Variants in LRP1B observed in about 807,000 individuals in gnomAD.
LRP1B encodes the protein low-density lipoprotein receptor-related protein 1B.
LRP1B carries 217 observed loss-of-function variants against 556.6 expected under a neutral mutation model. The ratio of observed to expected loss-of-function variants is 0.39; its 90% CI spans 0.35 to 0.44. LRP1B has a LOEUF of 0.44. Ranked by LOEUF, LRP1B falls within the 20% of genes least tolerant of loss-of-function variation. The pLI is 1.00. For missense variants in LRP1B, 5,053 were observed against 5,620.8 expected (o/e 0.90, Z 3.23); for synonymous variants, 2,047 against 1,865.8 (o/e 1.10, Z -2.50).
At chr2:140,370,674 C>T (rs2105164501) in intron 71 of LRP1B, 36 bp downstream of exon 71, 4 of 1,608,222 alleles carry the variant, frequency 2.5e-6, no homozygotes, top group Non-Finnish European at 3.4e-6. Context: ...CTTTCATTCT[C>T]TCATTTACAG....
At chr2:141,789,220 T>C (rs1463845099) in intron 2 of LRP1B, among the ~76,000 whole-genome samples, 1 of 151,994 alleles carries the variant, frequency 6.6e-6, no homozygotes, top group Non-Finnish European at 1.5e-5. Context: ...CTAGATGTTT[T>C]ATAGGAGGGG....
At position 140,333,698 on chromosome 2, in the gene LRP1B, G is replaced by A. The variant is rs373072836; in HGVS notation, c.12223+755C>T. Among the ~76,000 whole-genome samples, 135 of 152,096 alleles carry A rather than the reference G, an allele frequency of 8.9e-4. No individual in the cohort carries two copies. In the Middle Eastern group the frequency reaches 0.041, roughly 46 times the overall value. ...ATGTCCTTTCTGTGGAGGTATAGTC[G>A]GTGGAGGGTAGGTGGCACAGAGCCC... is the stretch of plus-strand genomic sequence containing the variant. On this transcript the variant is annotated intron_variant, in intron 79 of 90. Coordinates refer to ENST00000389484, the MANE Select transcript of LRP1B (RefSeq NM_018557.3).
At chr2:141,305,710 A>T (rs1398012259) in intron 3 of LRP1B, among the ~76,000 whole-genome samples, 9 of 152,144 alleles carry the variant, frequency 5.9e-5, no homozygotes, top group Non-Finnish European at 1.2e-4. Context: ...ATTCAGTCTG[A>T]CGTTAGCTCT....
chr2:141,660,922 A>G (rs935728571), intron 2 of LRP1B, among the ~76,000 whole-genome samples: 1 of 152,098 alleles, frequency 6.6e-6, no homozygotes, highest in South Asian at 2.1e-4. Context: ...TCCCATCGGC[A>G]TCAGGTCGGT....
At chr2:141,582,557 G>GT (rs1162092873) in intron 2 of LRP1B, among the ~76,000 whole-genome samples, 1 of 151,936 alleles carries the variant, frequency 6.6e-6, no homozygotes, top group Non-Finnish European at 1.5e-5. Flanking sequence ...CAAGAAAGCA[G>GT]TTAGTTATAT....
chr2:141,228,571 CTGTGTGTATGAG>C lies in LRP1B; in HGVS notation c.850+600_850+611del, dbSNP rs1028928524. 4.8e-5 allele frequency among the ~76,000 whole-genome samples: 5 copies of C among 104,214 alleles called. No individual in the cohort carries two copies. In the Admixed American group the frequency reaches 5.2e-4, roughly 11 times the overall value. The allele number at this position is 104,214 out of a possible 152,430, so 68.4% of individuals were successfully genotyped here. A position where few individuals can be genotyped will look rare whatever the true frequency, so the allele number is the denominator to read the frequency against. ...AGAATATGTGTGCATCCCTGGGTGT[CTGTGTGTATGAG>C]TGTGTGTGTGTGTGTGTGTGTGTGT... On this transcript the variant is annotated intron_variant, in intron 6 of 90. Coordinates refer to ENST00000389484, the MANE Select transcript of LRP1B (RefSeq NM_018557.3).
chr2:141,913,953 A>G (rs766056240), intron 1 of LRP1B, among the ~76,000 whole-genome samples: 1 of 152,042 alleles, frequency 6.6e-6, no homozygotes, highest in Non-Finnish European at 1.5e-5. Context: ...TCACTGTGTT[A>G]GCCAGGATGG....
At chr2:140,292,468 C>A (rs1683426906) in intron 84 of LRP1B, among the ~76,000 whole-genome samples, 1 of 152,064 alleles carries the variant, frequency 6.6e-6, no homozygotes, top group Admixed American at 6.6e-5. Context: ...CTCCCCCTTG[C>A]TACTTCCGCT....
chr2:141,198,692 C>G (rs1396789611), intron 6 of LRP1B, among the ~76,000 whole-genome samples: 2 of 152,070 alleles, frequency 1.3e-5, no homozygotes, highest in African/African-American at 4.8e-5. Context: ...AGGCCACAAG[C>G]CAATTTTATC....
intron 1 of LRP1B, among the ~76,000 whole-genome samples, chr2:141,971,093 A>G (rs188084463): frequency 1.3e-5 from 2 of 151,640 alleles, no homozygotes; most frequent in East Asian, 1.9e-4. Context: ...TGACAACCCA[A>G]ACCTTAAGGT....
intron 68 of LRP1B, among the ~76,000 whole-genome samples, chr2:140,373,991 C>A (rs1049322161): frequency 1.3e-5 from 2 of 152,142 alleles, no homozygotes; most frequent in Non-Finnish European, 2.9e-5. Flanking sequence ...TTAGTTGTTG[C>A]AGTTCTCCTT....
chr2:141,347,309 A>C (rs747975006), intron 3 of LRP1B, among the ~76,000 whole-genome samples: 13 of 152,074 alleles, frequency 8.5e-5, no homozygotes, highest in Non-Finnish European at 1.6e-4. Context: ...AATTGTAATA[A>C]CAAAAAAAAT....
chr2:140,743,525 T>G (rs1688208321), intron 35 of LRP1B, among the ~76,000 whole-genome samples: 1 of 152,166 alleles, frequency 6.6e-6, no homozygotes, highest in South Asian at 2.1e-4. Flanking sequence ...AGTTTCCCCA[T>G]CTGTAAAACA....
chr2:140,590,909 C>T (rs6752743), intron 43 of LRP1B, among the ~76,000 whole-genome samples: 32,089 of 152,050 alleles, frequency 0.21, 3,528 homozygotes, highest in East Asian at 0.3. Flanking sequence ...TATACTAAAT[C>T]TCCCCATGGA....
At chr2:141,330,029 G>T (rs1183720957) in intron 3 of LRP1B, among the ~76,000 whole-genome samples, 1 of 151,796 alleles carries the variant, frequency 6.6e-6, no homozygotes, top group African/African-American at 2.4e-5. Flanking sequence ...GCTAAGTGAG[G>T]TTATTCTCTA....
Position 141,036,993 on chromosome 2 carries a change from C to T in LRP1B, c.1789+11993G>A, listed in dbSNP as rs946416511. 2.6e-5 allele frequency among the ~76,000 whole-genome samples: 4 copies of T among 152,152 alleles called. No homozygotes were observed. In the South Asian group the frequency reaches 6.2e-4, roughly 24 times the overall value. The stretch of plus-strand genomic sequence containing the variant: ...CCTTCAAAACCCAGACACGCAGGAC[C>T]TAAGACCAAGACTGGCACAAGAGAA... On this transcript the variant is annotated intron_variant, in intron 11 of 90. Coordinates refer to ENST00000389484, the MANE Select transcript of LRP1B (RefSeq NM_018557.3).
chr2:141,927,806 T>C (rs1236222715), intron 1 of LRP1B, among the ~76,000 whole-genome samples: 2 of 151,372 alleles, frequency 1.3e-5, no homozygotes, highest in Non-Finnish European at 2.9e-5. Context: ...TACATGTGTC[T>C]TCTGCTTTTC....
intron 3 of LRP1B, among the ~76,000 whole-genome samples, chr2:141,336,500 A>T (rs4954896): frequency 0.61 from 92,610 of 151,966 alleles, 29,204 homozygotes; most frequent in African/African-American, 0.71. Flanking sequence ...ATGAATCTAA[A>T]AAGCATATTT....
intron 2 of LRP1B, among the ~76,000 whole-genome samples, chr2:141,588,587 A>T (rs1687220506): frequency 6.6e-6 from 1 of 152,156 alleles, no homozygotes; most frequent in Admixed American, 6.5e-5. Flanking sequence ...CACATTCCAT[A>T]CAAGTTCCCT....
Sources: gnomAD v4.1 joint callset for allele counts (sites outside exome capture counted in the v4.1 genomes callset) on GRCh38, gnomAD v4.1.1 for gene constraint, MANE v1.5 for transcripts, NCBI Gene and HGNC (gene_info 2026-07-23, HGNC 2026-07-21) for gene names.